PIK3C3: variants seen among roughly 807,000 people sequenced by gnomAD.
The protein encoded by PIK3C3 is PI3-kinase type 3.
In PIK3C3, 95 loss-of-function variants were observed where a neutral mutation model predicts 126.1. That is an observed-to-expected ratio of 0.75 (90% CI 0.64 to 0.89). The LOEUF (loss-of-function observed/expected upper bound fraction) is 0.89, where lower values mean the gene tolerates loss of function less well. Ranked by LOEUF, PIK3C3 falls within the 40% of genes least tolerant of loss-of-function variation. The pLI, the probability that PIK3C3 is intolerant of heterozygous loss-of-function variation, is 0.00. For synonymous variants in PIK3C3, 374 were observed against 360.0 expected, an observed-to-expected ratio of 1.04 and a Z score of -0.44; for missense variants, 829 against 1,063.2, an observed-to-expected ratio of 0.78 and a Z score of 3.06.
chr18:42,059,178 T>C (rs573887198), intron 22 of PIK3C3, among the ~76,000 whole-genome samples: 1 of 152,334 alleles, frequency 6.6e-6, no homozygotes, highest in African/African-American at 2.4e-5. Flanking sequence ...GGGGTTTCAT[T>C]TATGCACTGA....
chr18:42,043,752 C>T lies in PIK3C3; in HGVS notation c.2123C>T (p.Ala708Val). ...TTTCAGAACTTTTTTAGAAAATATG[C>T]ACCAAGTGAGAATGGGCCAAATGGG... ...GSIQNFFRKY[A>V]PSENGPNGIS... Residue 708 changes from alanine to valine, a missense_variant, in exon 20 of 25, where the codon GCA becomes GTA. Physicochemically the swap from Ala to Val is moderately conservative, Grantham distance 64. This residue lies in a region of PIK3C3 where 196 missense variants were observed against 312.8 expected (regional missense o/e 0.63). Coordinates refer to ENST00000262039, the MANE Select transcript of PIK3C3 (RefSeq NM_002647.4). 2 of 1,610,792 alleles carry T rather than the reference C, an allele frequency of 1.2e-6. No individual in the cohort carries two copies. The highest frequency in any genetic ancestry group is 2.2e-5 in the East Asian group (1 of 44,826).
rs570588673 is a variant in PIK3C3 at position 42,081,415 on chromosome 18, A to C, written c.*278A>C. ...AAATGAGAAACATTCTTATTTATGTACATGTTATGAGAGTTCTGGAGGAAG... is the reference window on the plus strand; with the variant it reads ...AAATGAGAAACATTCTTATTTATGTCCATGTTATGAGAGTTCTGGAGGAAG... On this transcript the variant is annotated 3_prime_UTR_variant, in exon 25 of 25. Coordinates refer to ENST00000262039, the MANE Select transcript of PIK3C3 (RefSeq NM_002647.4). 1 of 344,924 alleles carries C rather than the reference A, an allele frequency of 2.9e-6. No homozygotes were observed. 21.4% of individuals were successfully genotyped at this position (344,924 alleles called of 1,614,324 possible).
intron 11 of PIK3C3, 33 bp from the exon 12 acceptor site, chr18:42,015,443 A>G: frequency 6.6e-7 from 1 of 1,519,150 alleles, no homozygotes; most frequent in African/African-American, 1.4e-5. Context: ...AGAGTATTTT[A>G]CATCTCAGTG....
chr18:42,066,959 T>C (rs1219056308), intron 23 of PIK3C3, among the ~76,000 whole-genome samples: 1 of 152,048 alleles, frequency 6.6e-6, no homozygotes, highest in Non-Finnish European at 1.5e-5. Context: ...AATATTAATA[T>C]AATCTCACCT....
chr18:42,068,944 C>T (rs1176477574), intron 24 of PIK3C3, among the ~76,000 whole-genome samples: 35 of 127,540 alleles, frequency 2.7e-4, no homozygotes, highest in African/African-American at 9.4e-4. Flanking sequence ...AGCGAGACTC[C>T]GTCTCAAAAA....
intron 13 of PIK3C3, 193 bp from the exon 14 acceptor site, chr18:42,027,250 C>T: frequency 3.3e-6 from 1 of 302,302 alleles, no homozygotes; most frequent in South Asian, 6.6e-5. Context: ...CTTAGTTTAC[C>T]TTTTATTGAT....
intron 10 of PIK3C3, among the ~76,000 whole-genome samples, chr18:42,005,342 C>T (rs1982493161): frequency 1.3e-5 from 2 of 152,120 alleles, no homozygotes; most frequent in African/African-American, 4.8e-5. Context: ...AGAAAAGGTA[C>T]AGTAAAAACA....
chr18:42,010,533 T>C (rs1982774573), intron 10 of PIK3C3, among the ~76,000 whole-genome samples: 1 of 152,064 alleles, frequency 6.6e-6, no homozygotes, highest in African/African-American at 2.4e-5. Context: ...GCCCACCTAA[T>C]TTTTGTATTT....
intron 22 of PIK3C3, among the ~76,000 whole-genome samples, chr18:42,059,370 T>G (rs1340789257): frequency 6.6e-6 from 1 of 152,200 alleles, no homozygotes; most frequent in Non-Finnish European, 1.5e-5. Flanking sequence ...GCAGAAGCAC[T>G]TTCAGAGAGA....
intron 9 of PIK3C3, among the ~76,000 whole-genome samples, chr18:41,999,781 C>T (rs1018235560): frequency 2.0e-5 from 3 of 152,112 alleles, no homozygotes; most frequent in African/African-American, 7.2e-5. Context: ...TGTGCTGTGA[C>T]ATGAGGAAGG....
intron 11 of PIK3C3, among the ~76,000 whole-genome samples, chr18:42,014,915 C>T (rs551226288): frequency 6.6e-6 from 1 of 152,186 alleles, no homozygotes; most frequent in Non-Finnish European, 1.5e-5. Context: ...TTATCTCACT[C>T]TATATTGGAG....
chr18:42,068,621 C>A (rs1235289305), intron 24 of PIK3C3, among the ~76,000 whole-genome samples: 1 of 152,010 alleles, frequency 6.6e-6, no homozygotes, highest in Non-Finnish European at 1.5e-5. Context: ...CCACTTTTCC[C>A]ACATTAGCTG....
intron 24 of PIK3C3, among the ~76,000 whole-genome samples, chr18:42,068,599 T>TC (rs1392935851): frequency 3.9e-5 from 6 of 152,076 alleles, no homozygotes; most frequent in East Asian, 1.9e-4. Context: ...TTTTTTTCCT[T>TC]CCCCCCACCT....
chr18:42,073,894 C>CCT (rs1019685070), intron 24 of PIK3C3, among the ~76,000 whole-genome samples: 7 of 152,082 alleles, frequency 4.6e-5, no homozygotes, highest in African/African-American at 1.7e-4. Context: ...GGAACTAAGA[C>CCT]CATTCAAGCC....
chr18:42,087,662 C>G lies in PIK3C3; in HGVS notation c.*6525C>G, dbSNP rs1986425465. On this transcript the variant is annotated 3_prime_UTR_variant, in exon 25 of 25. Transcript: ENST00000262039. ...TTGCTTTCTGCTTAAGTGATTTCTT[C>G]TTAACTCCTATGTCAATTTTATACA... 2 of 152,156 alleles carry G rather than the reference C, an allele frequency of 1.3e-5. No homozygotes were observed. The highest frequency in any genetic ancestry group is 2.9e-5 in the Non-Finnish European group (2 of 68,028). 9.4% of individuals were successfully genotyped at this position (152,156 alleles called of 1,614,324 possible).
In PIK3C3 at chr18:42,046,215, C is replaced by T. The variant is rs990854816; in HGVS notation, c.2188+2398C>T. Among the ~76,000 whole-genome samples, 10 of 152,292 alleles carry T rather than the reference C, an allele frequency of 6.6e-5. No homozygotes were observed. In the East Asian group the frequency reaches 1.9e-3, roughly 29 times the overall value. ...TAAGTGATTTAATGGTAGGCCTTCT[C>T]TTCATCTAGAAGAGCCTTCTGTTTT... On this transcript the variant is annotated intron_variant, in intron 20 of 24. Transcript: ENST00000262039.
chr18:42,057,783 C>T (rs1985137383), intron 21 of PIK3C3, 100 bp from the exon 22 acceptor site: 1 of 1,065,136 alleles, frequency 9.4e-7, no homozygotes, highest in African/African-American at 1.6e-5. Flanking sequence ...AACTAATATT[C>T]TTTATGAAGA....
At chr18:42,015,139 A>G (rs622612) in intron 11 of PIK3C3, among the ~76,000 whole-genome samples, 74,949 of 151,922 alleles carry the variant, frequency 0.49, 20,182 homozygotes, top group African/African-American at 0.72. Context: ...GCTCTATTTT[A>G]TTTTTAAAAA....
intron 13 of PIK3C3, chr18:42,026,907 T>C (rs1265140371): frequency 2.0e-5 from 3 of 152,226 alleles, no homozygotes; most frequent in Non-Finnish European, 4.4e-5. Context: ...AGTTTTTTAA[T>C]TGGAAAGTTA....
Sources: gnomAD v4.1 joint callset for allele counts (sites outside exome capture counted in the v4.1 genomes callset) on GRCh38, gnomAD v4.1.1 for gene constraint, gnomAD v4.1.1 regional missense constraint, MANE v1.5 for transcripts, NCBI Gene and HGNC (gene_info 2026-07-23, HGNC 2026-07-21) for gene names.